Variants in COMT observed in about 807,000 individuals in gnomAD.
COMT encodes the protein catechol O-methyltransferase.
COMT carries 13 observed loss-of-function variants against 18.9 expected under a neutral mutation model. The observed-to-expected ratio is 0.69, with a 90% CI of 0.45 to 1.09. The LOEUF is 1.09. Ranked by LOEUF, COMT falls within the 50% of genes least tolerant of loss-of-function variation. The pLI is 0.00. For missense variants in COMT, 329 were observed against 361.8 expected, an observed-to-expected ratio of 0.91 and a Z score of 0.73; for synonymous variants, 150 against 160.9, an observed-to-expected ratio of 0.93 and a Z score of 0.51.
intron 5 of COMT, chr22:19,965,610 G>A (rs1055580337): frequency 1.3e-5 from 2 of 152,238 alleles, no homozygotes; most frequent in Admixed American, 6.5e-5. Flanking sequence ...AAAGTGCTGG[G>A]ATTACAGGCG....
At chr22:19,950,827 C>G (rs186338951) in intron 1 of COMT, 9 of 152,190 alleles carry the variant, frequency 5.9e-5, no homozygotes, top group African/African-American at 2.2e-4. Flanking sequence ...GGTAAAGTCA[C>G]ATCAACAAGG....
chr22:19,948,674 G>A (rs753534384), intron 1 of COMT, among the ~76,000 whole-genome samples: 5 of 151,640 alleles, frequency 3.3e-5, no homozygotes, highest in Non-Finnish European at 7.4e-5. Context: ...AAAAATTTAG[G>A]CTGGGTGCAG....
chr22:19,957,220 G>A (rs1195281091), intron 1 of COMT, among the ~76,000 whole-genome samples: 2 of 152,200 alleles, frequency 1.3e-5, no homozygotes, highest in Non-Finnish European at 2.9e-5. Flanking sequence ...AAAGTGCTGG[G>A]ATTACAGGCA....
chr22:19,963,290 A>C (rs1942245630), intron 3 of COMT: 1 of 581,036 alleles, frequency 1.7e-6, no homozygotes, highest in Non-Finnish European at 3.1e-6. Flanking sequence ...CCAGCCAGGA[A>C]GGGTGGAAAA....
rs552865451 is a variant in COMT at position 19,957,052 on chromosome 22, G to A, written c.-91-4147G>A. ...TGCAAGCTCCGCCTCTGGGGTTCAC[G>A]CCATTCTCCTGCCTCAGCCTCCCGA... On this transcript the variant is annotated intron_variant, in intron 1 of 5. Transcript: ENST00000361682. 2.6e-5 allele frequency among the ~76,000 whole-genome samples: 4 copies of A among 151,206 alleles called. No individual in the cohort carries two copies. The East Asian group carries it at 7.9e-4, about 30-fold the overall frequency.
intron 1 of COMT, among the ~76,000 whole-genome samples, chr22:19,952,205 G>C (rs1214989444): frequency 6.6e-6 from 1 of 152,242 alleles, no homozygotes; most frequent in Non-Finnish European, 1.5e-5. Flanking sequence ...TACTCAGGAG[G>C]CTGAAGCAGG....
At chr22:19,957,246 G>A (rs551040783) in intron 1 of COMT, among the ~76,000 whole-genome samples, 23 of 152,292 alleles carry the variant, frequency 1.5e-4, no homozygotes, top group South Asian at 1.2e-3. Context: ...CACCGCGCCC[G>A]GCCAGCATTC....
rs1030230368 is a variant in COMT at position 19,968,711 on chromosome 22, G to A, written c.791G>A (p.Gly264Asp). 6.2e-7 allele frequency: 1 copy of A among 1,612,076 alleles called. No homozygotes were observed. The highest frequency in any genetic ancestry group is 1.3e-5 in the African/African-American group (1 of 74,672). ...GGCCTGGAGAAGGCCATCTACAAGGGCCCAGGCAGCGAAGCAGGGCCCTGA... is the reference window on the plus strand; with the variant it reads ...GGCCTGGAGAAGGCCATCTACAAGGACCCAGGCAGCGAAGCAGGGCCCTGA... ...VDGLEKAIYK[G>D]PGSEAGP The change falls in exon 6 of 6, where the codon GGC (glycine) becomes GAC (aspartate). Residue 264 changes from glycine to aspartate, a missense_variant. Transcript: ENST00000361682.
rs754397556 is a variant in COMT, at chr22:19,963,538, C to T, written c.290-28C>T. On this transcript the variant is annotated intron_variant, in intron 3 of 5. Coordinates refer to ENST00000361682, the MANE Select transcript of COMT (RefSeq NM_000754.4). ...GTTCCCCTCTCTCCACCTGTGCTCACCTCTCCTCCGTCCCCAACCCTGCAC... is the reference window on the plus strand; with the variant it reads ...GTTCCCCTCTCTCCACCTGTGCTCATCTCTCCTCCGTCCCCAACCCTGCAC... 13 of 1,608,206 alleles carry T rather than the reference C, an allele frequency of 8.1e-6. No homozygotes were observed. The highest frequency in any genetic ancestry group is 5.3e-5 in the African/African-American group (4 of 74,872).
intron 1 of COMT, among the ~76,000 whole-genome samples, chr22:19,947,474 G>GC (rs1941858259): frequency 6.6e-6 from 1 of 152,198 alleles, no homozygotes; most frequent in Admixed American, 6.5e-5. Flanking sequence ...AGGAGTGTGA[G>GC]CTATCTCCAG....
chr22:19,964,822 T>G, intron 5 of COMT: 1 of 279,978 alleles, frequency 3.6e-6, no homozygotes, highest in South Asian at 4.5e-5. Flanking sequence ...TGTCCTCGCT[T>G]CCCTGGGGGG....
At chr22:19,950,432 A>G (rs2146134882) in intron 1 of COMT, among the ~76,000 whole-genome samples, 1 of 152,174 alleles carries the variant, frequency 6.6e-6, no homozygotes, top group East Asian at 1.9e-4. Context: ...TGGACAAGTT[A>G]AGGGTCACTT....
chr22:19,954,939 A>T (rs890504706), intron 1 of COMT, among the ~76,000 whole-genome samples: 2 of 152,176 alleles, frequency 1.3e-5, no homozygotes, highest in Non-Finnish European at 2.9e-5. Flanking sequence ...GTTATGAGAC[A>T]GTGGCAGGAG....
chr22:19,961,519 G>A (rs1456967568), intron 2 of COMT, among the ~76,000 whole-genome samples: 1 of 152,194 alleles, frequency 6.6e-6, no homozygotes, highest in Non-Finnish European at 1.5e-5. Flanking sequence ...GCCTCCAGGG[G>A]TGTCCCCTCT....
chr22:19,960,339 T>C (rs755675917), intron 1 of COMT, among the ~76,000 whole-genome samples: 64 of 152,108 alleles, frequency 4.2e-4, no homozygotes, highest in Non-Finnish European at 8.4e-4. Flanking sequence ...CCATAGCAGA[T>C]AAATAATAGT....
chr22:19,949,131 T>A (rs1254221269), intron 1 of COMT, among the ~76,000 whole-genome samples: 2 of 152,046 alleles, frequency 1.3e-5, no homozygotes, highest in African/African-American at 4.8e-5. Context: ...ACTTTCTGTA[T>A]CCATTCACAG....
chr22:19,956,838 A>AGTATTGG (rs2146149203), intron 1 of COMT, among the ~76,000 whole-genome samples: 1 of 152,014 alleles, frequency 6.6e-6, no homozygotes, highest in Non-Finnish European at 1.5e-5. Flanking sequence ...AGCCTCCCAA[A>AGTATTGG]GTATTGGGAT....
intron 5 of COMT, among the ~76,000 whole-genome samples, chr22:19,966,212 G>A (rs777285620): frequency 4.6e-5 from 7 of 152,178 alleles, no homozygotes; most frequent in Non-Finnish European, 1.0e-4. Context: ...ACTCAGGGCT[G>A]GGGCCCTGTG....
Position 19,968,698 on chromosome 22 carries a change from G to A in COMT, c.778G>A (p.Ala260Thr), listed in dbSNP as rs199744942. 131 of 1,613,454 alleles carry A rather than the reference G, an allele frequency of 8.1e-5. No individual in the cohort carries two copies. The Admixed American group carries it at 1.6e-3, about 19-fold the overall frequency. The change falls in exon 6 of 6, where the codon GCC becomes ACC. Residue 260 changes from alanine to threonine, a missense_variant. By Grantham distance (58) the Ala-to-Thr change is moderately conservative. Transcript: ENST00000361682. ...GGAGGTGGTGGACGGCCTGGAGAAG[G>A]CCATCTACAAGGGCCCAGGCAGCGA... ...YREVVDGLEK[A>T]IYKGPGSEAG...
Sources: gnomAD v4.1 joint callset for allele counts (sites outside exome capture counted in the v4.1 genomes callset) on GRCh38, gnomAD v4.1.1 for gene constraint, MANE v1.5 for transcripts, NCBI Gene and HGNC (gene_info 2026-07-23, HGNC 2026-07-21) for gene names.